GRIP1: variants seen among roughly 807,000 people sequenced by gnomAD.
The protein encoded by GRIP1 is glutamate receptor interacting protein 1, also known as glutamate receptor-interacting protein 1.
A neutral mutation model predicts 129.9 loss-of-function variants in GRIP1; 45 were observed. The ratio of observed to expected loss-of-function variants is 0.35; its 90% CI spans 0.27 to 0.44. The LOEUF (loss-of-function observed/expected upper bound fraction) is 0.44. Among genes scored for constraint, GRIP1 ranks in the 20% least tolerant of loss-of-function variants. GRIP1 has a pLI of 1.00. For missense variants in GRIP1, 1,196 were observed against 1,396.8 expected, an observed-to-expected ratio of 0.86 and a Z score of 2.29; for synonymous variants, 530 against 520.8, an observed-to-expected ratio of 1.02 and a Z score of -0.24.
chr12:66,410,157 G>A (rs1200251377), intron 15 of GRIP1, among the ~76,000 whole-genome samples: 1 of 144,286 alleles, frequency 6.9e-6, no homozygotes, highest in African/African-American at 2.6e-5. Flanking sequence ...GGCTGAGGCA[G>A]GAGAATGGCG....
intron 1 of GRIP1, among the ~76,000 whole-genome samples, chr12:66,910,513 T>C (rs981720846): frequency 6.6e-6 from 1 of 151,922 alleles, no homozygotes; most frequent in Non-Finnish European, 1.5e-5. Flanking sequence ...AAGCAAGAGC[T>C]GCAGAATGTG....
At chr12:66,769,158 G>A (rs2037737741) in intron 1 of GRIP1, among the ~76,000 whole-genome samples, 1 of 152,118 alleles carries the variant, frequency 6.6e-6, no homozygotes, top group Non-Finnish European at 1.5e-5. Context: ...TGCTGTGGAG[G>A]GACCATATTT....
At chr12:66,810,394 C>T (rs2039080389) in intron 1 of GRIP1, among the ~76,000 whole-genome samples, 1 of 152,080 alleles carries the variant, frequency 6.6e-6, no homozygotes, top group African/African-American at 2.4e-5. Context: ...CCCGTCTCTA[C>T]TAAAAATACA....
At chr12:66,775,209 G>A (rs1242785500) in intron 1 of GRIP1, among the ~76,000 whole-genome samples, 1 of 152,152 alleles carries the variant, frequency 6.6e-6, no homozygotes, top group Non-Finnish European at 1.5e-5. Flanking sequence ...GAGAGAATAG[G>A]AAGAAGCAAG....
intron 1 of GRIP1, among the ~76,000 whole-genome samples, chr12:66,791,599 GGGCCTGGTATCA>G (rs754885133): frequency 9.5e-4 from 145 of 152,214 alleles, no homozygotes; most frequent in Non-Finnish European, 1.4e-3. Flanking sequence ...AATACTTGAG[GGGCCTGGTATCA>G]GGCCTGGTAT....
At chr12:66,372,380 T>C in intron 22 of GRIP1, 1 of 252,770 alleles carries the variant, frequency 4.0e-6, no homozygotes. Context: ...TATCTCCAAC[T>C]GCAGTTAACA....
At chr12:66,545,421 A>C (rs979530670) in intron 2 of GRIP1, among the ~76,000 whole-genome samples, 1 of 152,224 alleles carries the variant, frequency 6.6e-6, no homozygotes, top group Non-Finnish European at 1.5e-5. Flanking sequence ...TATACAATTA[A>C]TATGCAGAAA....
intron 15 of GRIP1, among the ~76,000 whole-genome samples, chr12:66,410,033 G>A (rs887824506): frequency 6.9e-6 from 1 of 143,964 alleles, no homozygotes; most frequent in Non-Finnish European, 1.5e-5. Flanking sequence ...GGCGGATCAC[G>A]AGGTCAGGAG....
intron 1 of GRIP1, among the ~76,000 whole-genome samples, chr12:66,753,740 A>G (rs76520021): frequency 0.033 from 5,097 of 152,296 alleles, 104 homozygotes; most frequent in Middle Eastern, 0.075. Context: ...GAGATCCTTG[A>G]AAGCAGATAC....
At position 66,531,249 on chromosome 12, in the gene GRIP1, AAAAATATATATATATATATATATATAT is replaced by A. The variant is rs1183906739; in HGVS notation, c.419-1362_419-1336del. Among the ~76,000 whole-genome samples the A allele has an allele frequency of 6.7e-3, 190 of 28,296 alleles. 4 individuals are homozygous for A. The highest frequency in any genetic ancestry group is 0.015 in the Admixed American group (38 of 2,578). 18.6% of individuals were successfully genotyped at this position (28,296 alleles called of 152,430 possible). ...AGACTCTGTCTCAAAAAAAAAAAAA[AAAAATATATATATATATATATATATAT>A]ATATATATATATATATATATATATA... On this transcript the variant is annotated intron_variant, in intron 4 of 24. Transcript: ENST00000359742.
In GRIP1 at chr12:66,491,702, C is replaced by CA. The variant is rs1273593993; in HGVS notation, c.724+23916dup. 1.3e-5 allele frequency among the ~76,000 whole-genome samples: 2 copies of CA among 152,136 alleles called. 1 individual carries two copies. Among genetic ancestry groups the CA allele is most frequent in the South Asian group, 4.1e-4 (2 of 4,824 alleles). On this transcript the variant is annotated intron_variant, in intron 7 of 24. Transcript: ENST00000359742. ...TTGAGGACCAATCTTTCAGGAAACT[C>CA]AAAGTTTATCTTCCTCATTTACTTT...
intron 7 of GRIP1, among the ~76,000 whole-genome samples, chr12:66,466,969 G>C (rs1487489257): frequency 6.6e-6 from 1 of 152,158 alleles, no homozygotes; most frequent in Admixed American, 6.5e-5. Context: ...CCATGGGAGA[G>C]AGCCATCTTC....
At chr12:66,768,829 C>T (rs571996108) in intron 1 of GRIP1, among the ~76,000 whole-genome samples, 9 of 152,332 alleles carry the variant, frequency 5.9e-5, no homozygotes, top group South Asian at 4.1e-4. Flanking sequence ...CACTGCTGCA[C>T]ATTAGAGTAA....
intron 1 of GRIP1, among the ~76,000 whole-genome samples, chr12:66,822,211 A>G (rs944658406): frequency 2.0e-5 from 3 of 152,252 alleles, no homozygotes; most frequent in Non-Finnish European, 4.4e-5. Context: ...GGCTTCGCCA[A>G]TCTGTCTTCT....
At chr12:66,879,193 T>C (rs1337101337) in intron 1 of GRIP1, among the ~76,000 whole-genome samples, 1 of 151,988 alleles carries the variant, frequency 6.6e-6, no homozygotes, top group African/African-American at 2.4e-5. Flanking sequence ...TTTTTGTTCT[T>C]AAACTGGGGC....
intron 1 of GRIP1, among the ~76,000 whole-genome samples, chr12:66,852,235 A>T (rs902840889): frequency 5.9e-5 from 9 of 151,882 alleles, no homozygotes; most frequent in Non-Finnish European, 1.2e-4. Context: ...GTGCCAGGAA[A>T]TTTTTTTTCA....
intron 2 of GRIP1, among the ~76,000 whole-genome samples, chr12:66,559,968 G>A (rs2062463115): frequency 1.3e-5 from 2 of 151,992 alleles, no homozygotes; most frequent in South Asian, 4.2e-4. Flanking sequence ...CATAAAAACA[G>A]ATACACAGAC....
chr12:66,361,205 G>A (rs1195002049), intron 23 of GRIP1, among the ~76,000 whole-genome samples: 1 of 152,170 alleles, frequency 6.6e-6, no homozygotes, highest in Non-Finnish European at 1.5e-5. Context: ...TGGGTCAGAA[G>A]GCAGCTGCTG....
At chr12:66,474,164 T>C (rs986671807) in intron 7 of GRIP1, among the ~76,000 whole-genome samples, 1 of 151,822 alleles carries the variant, frequency 6.6e-6, no homozygotes, top group Non-Finnish European at 1.5e-5. Flanking sequence ...GAAAAACAGC[T>C]TGAGAACTTT....
Sources: gnomAD v4.1 joint callset for allele counts (sites outside exome capture counted in the v4.1 genomes callset) on GRCh38, gnomAD v4.1.1 for gene constraint, MANE v1.5 for transcripts, NCBI Gene and HGNC (gene_info 2026-07-23, HGNC 2026-07-21) for gene names.